Variants in POGLUT1 observed in about 807,000 individuals in gnomAD.
The protein encoded by POGLUT1 is protein O-glucosyltransferase 1, also known as 9630046K23Rik.
POGLUT1 carries 32 observed loss-of-function variants against 61.3 expected under a neutral mutation model. That is an observed-to-expected ratio of 0.52 (90% CI 0.39 to 0.70). The LOEUF (loss-of-function observed/expected upper bound fraction) is 0.70, where lower values mean the gene tolerates loss of function less well. POGLUT1 is among the 30% of genes least tolerant of loss of function. The pLI is 0.00. For missense variants in POGLUT1, 411 were observed against 469.8 expected (o/e 0.87, Z 1.16); for synonymous variants, 158 against 158.2 (o/e 1.00, Z 0.01).
intron 9 of POGLUT1, among the ~76,000 whole-genome samples, chr3:119,491,253 C>T (rs1178806520): frequency 6.8e-6 from 1 of 147,010 alleles, no homozygotes; most frequent in Non-Finnish European, 1.5e-5. Flanking sequence ...TATAAATATA[C>T]AAAATATATG....
At chr3:119,471,283 C>T (rs1355937911) in intron 2 of POGLUT1, 26 bp from the exon 3 acceptor site, 2 of 1,612,010 alleles carry the variant, frequency 1.2e-6, no homozygotes, top group East Asian at 2.2e-5. Flanking sequence ...GGCCTGCTTT[C>T]CTTGATGACT....
chr3:119,479,652 C>T (rs1560034137), intron 4 of POGLUT1, among the ~76,000 whole-genome samples: 1 of 152,268 alleles, frequency 6.6e-6, no homozygotes, highest in East Asian at 1.9e-4. Flanking sequence ...CAAAAAAACC[C>T]ATTGGGAAAT....
In POGLUT1 at chr3:119,469,038, G is replaced by C. The variant is rs749876526; in HGVS notation, c.17G>C (p.Ser6Thr). 2.5e-6 allele frequency: 4 copies of C among 1,608,758 alleles called. No individual in the cohort carries two copies. In the African/African-American group the frequency reaches 4.0e-5, roughly 16 times the overall value. Residue 6 changes from serine (S) to threonine (T), a missense_variant, in exon 1 of 11, where the codon AGC (serine) becomes ACC (threonine). Coordinates refer to ENST00000295588, the MANE Select transcript of POGLUT1 (RefSeq NM_152305.3). Reference protein sequence around the residue: MEWWASSPLRLWLLLF... With the variant: MEWWATSPLRLWLLLF... The stretch of plus-strand genomic sequence containing the variant: ...CTGCCGGCGATGGAGTGGTGGGCTA[G>C]CTCGCCGCTTCGGCTCTGGCTGCTG...
chr3:119,484,650 A>AT (rs1417819317), intron 5 of POGLUT1, among the ~76,000 whole-genome samples: 1 of 152,008 alleles, frequency 6.6e-6, no homozygotes, highest in Non-Finnish European at 1.5e-5. Context: ...ATGCTTTTTT[A>AT]TTTTTTTGCA....
intron 5 of POGLUT1, among the ~76,000 whole-genome samples, chr3:119,482,492 G>A (rs1030618883): frequency 2.0e-5 from 3 of 152,192 alleles, no homozygotes; most frequent in African/African-American, 7.2e-5. Flanking sequence ...CCACCGTGTA[G>A]TTATTAATAC....
At chr3:119,480,265 T>C in intron 5 of POGLUT1, 93 bp downstream of exon 5, 1 of 1,037,870 alleles carries the variant, frequency 9.6e-7, no homozygotes, top group Non-Finnish European at 1.3e-6. Context: ...TTTTTTTTTT[T>C]GAGACGGAGT....
intron 5 of POGLUT1, 76 bp downstream of exon 5, chr3:119,480,248 T>G: frequency 8.0e-7 from 1 of 1,256,196 alleles, no homozygotes; most frequent in Non-Finnish European, 1.1e-6. Flanking sequence ...TAACCAATTA[T>G]TTACTTTTTT....
intron 2 of POGLUT1, 99 bp downstream of exon 2, chr3:119,470,009 C>A: frequency 1.3e-6 from 1 of 745,974 alleles, no homozygotes; most frequent in Non-Finnish European, 2.4e-6. Context: ...GTCAGAAAGG[C>A]AAGGATGTTT....
chr3:119,477,253 G>A (rs1302834284), intron 3 of POGLUT1, 60 bp from the exon 4 acceptor site: 23 of 1,555,282 alleles, frequency 1.5e-5, no homozygotes, highest in South Asian at 4.5e-5. Flanking sequence ...ATGGGACCTC[G>A]CCTTGTCCTA....
At chr3:119,481,740 G>C (rs1162120852) in intron 5 of POGLUT1, among the ~76,000 whole-genome samples, 2 of 152,190 alleles carry the variant, frequency 1.3e-5, no homozygotes, top group Admixed American at 6.5e-5. Context: ...GAAAGGTTTA[G>C]TGATCTGGTC....
chr3:119,475,981 C>CACACACACACACACAG (rs1475354662), intron 3 of POGLUT1, among the ~76,000 whole-genome samples: 34 of 126,166 alleles, frequency 2.7e-4, no homozygotes, highest in African/African-American at 1.1e-3. Flanking sequence ...CACACACACA[C>CACACACACACACACAG]ACACACACAC....
intron 4 of POGLUT1, 151 bp from the exon 5 acceptor site, chr3:119,479,900 G>C: frequency 6.6e-7 from 1 of 1,516,106 alleles, no homozygotes; most frequent in Non-Finnish European, 8.9e-7. Flanking sequence ...GCCTTTTAAT[G>C]TCTACAGGCT....
At chr3:119,479,561 G>A (rs548139125) in intron 4 of POGLUT1, among the ~76,000 whole-genome samples, 1 of 152,274 alleles carries the variant, frequency 6.6e-6, no homozygotes, top group Non-Finnish European at 1.5e-5. Flanking sequence ...GTAAAGAGGT[G>A]GAGTCAGAAT....
chr3:119,471,233 A>C, intron 2 of POGLUT1, 76 bp from the exon 3 acceptor site: 1 of 1,371,718 alleles, frequency 7.3e-7, no homozygotes, highest in Admixed American at 1.8e-5. Context: ...TACGAAACCT[A>C]AATGCACTTA....
Position 119,491,386 on chromosome 3 carries a change from C to T in POGLUT1, c.966-132C>T, listed in dbSNP as rs2107718827. 6.7e-6 allele frequency: 3 copies of T among 449,256 alleles called. No homozygotes were observed. The South Asian group carries it at 1.5e-4, about 22-fold the overall frequency. 27.8% of individuals were successfully genotyped at this position (449,256 alleles called of 1,614,324 possible). A position where few individuals can be genotyped will look rare whatever the true frequency, so the allele number is the denominator to read the frequency against. ...TTTGTTCTTGAGAGAACCCTGATAT[C>T]TTTGCTTGAAGGAAATAATCCACCA... On this transcript the variant is annotated intron_variant, in intron 9 of 10. Transcript: ENST00000295588.
chr3:119,471,273 G>A, intron 2 of POGLUT1, 36 bp from the exon 3 acceptor site: 1 of 1,608,806 alleles, frequency 6.2e-7, no homozygotes, highest in Middle Eastern at 1.7e-4. Flanking sequence ...CCACTCTCTT[G>A]GCCTGCTTTC....
At chr3:119,471,732 G>A (rs1222516379) in intron 3 of POGLUT1, 2 of 399,712 alleles carry the variant, frequency 5.0e-6, no homozygotes, top group Non-Finnish European at 9.3e-6. Context: ...GCAGGACACA[G>A]GCTGATGAGG....
intron 5 of POGLUT1, among the ~76,000 whole-genome samples, chr3:119,484,994 A>AG (rs2081648008): frequency 1.3e-5 from 2 of 152,208 alleles, no homozygotes; most frequent in Non-Finnish European, 2.9e-5. Context: ...AGGCAGGCGG[A>AG]TCACGAAGTC....
rs757913784 is a variant in POGLUT1 at position 119,477,424 on chromosome 3, C to T, written c.432C>T (p.Ala144=). 3 of 1,614,088 alleles carry T rather than the reference C, an allele frequency of 1.9e-6. No individual in the cohort carries two copies. Among genetic ancestry groups the T allele is most frequent in the Non-Finnish European group, 1.7e-6 (2 of 1,179,952 alleles). Residue 144 remains alanine, a synonymous_variant, in exon 4 of 11, where the codon GCC becomes GCT. Transcript: ENST00000295588. ...YPQVPKWMEP[A]IPVFSFSKTS... ...AGGTTCCTAAATGGATGGAGCCTGC[C>T]ATCCCAGTCTTCTCCTTCAGTAAGG...
Sources: gnomAD v4.1 joint callset for allele counts (sites outside exome capture counted in the v4.1 genomes callset) on GRCh38, gnomAD v4.1.1 for gene constraint, MANE v1.5 for transcripts, NCBI Gene and HGNC (gene_info 2026-07-23, HGNC 2026-07-21) for gene names.